The following TMEM120B variants were observed in gnomAD, a reference collection of about 807,000 sequenced individuals.
TMEM120B encodes the protein transmembrane protein 120B.
Under a neutral mutation model 55.5 loss-of-function variants are expected in TMEM120B, and 31 were observed. The observed-to-expected ratio is 0.56, with a 90% CI of 0.42 to 0.75. TMEM120B has a LOEUF of 0.75. Among genes scored for constraint, TMEM120B ranks in the 30% least tolerant of loss-of-function variants. The pLI is 0.00. For missense variants in TMEM120B, 399 were observed against 425.5 expected, an observed-to-expected ratio of 0.94 and a Z score of 0.55; for synonymous variants, 203 against 176.3, an observed-to-expected ratio of 1.15 and a Z score of -1.20.
chr12:121,772,276 G>A (rs1229776626), intron 8 of TMEM120B, among the ~76,000 whole-genome samples: 2 of 151,180 alleles, frequency 1.3e-5, no homozygotes, highest in South Asian at 2.1e-4. Flanking sequence ...CTACAGGTGC[G>A]CACCACCACG....
chr12:121,720,696 CAG>C (rs1894775617), intron 1 of TMEM120B, among the ~76,000 whole-genome samples: 1 of 151,804 alleles, frequency 6.6e-6, no homozygotes. Flanking sequence ...GACTGGGCGA[CAG>C]AGTAAGACTG....
intron 5 of TMEM120B, chr12:121,758,091 C>T (rs77011297): frequency 0.054 from 49,020 of 903,188 alleles, 2,022 homozygotes; most frequent in African/African-American, 0.2. Flanking sequence ...TGCACTCCAG[C>T]CTGACTCTAA....
In TMEM120B at chr12:121,778,324, G is replaced by A. The variant is rs113401351; in HGVS notation, c.*2602G>A. 4.7e-3 allele frequency: 715 copies of A among 152,148 alleles called. 5 individuals are homozygous for A. The highest frequency in any genetic ancestry group is 0.01 in the Middle Eastern group (3 of 298). 9.4% of individuals were successfully genotyped at this position (152,148 alleles called of 1,614,324 possible). ...AAATTAGCCGGACGTGGTGGTGTGC[G>A]CATGTAGTCCCAGCTACTCAGGAGG... On this transcript the variant is annotated 3_prime_UTR_variant, in exon 12 of 12. Coordinates refer to ENST00000449592, the MANE Select transcript of TMEM120B (RefSeq NM_001080825.2).
intron 5 of TMEM120B, chr12:121,758,670 A>C (rs1211058278): frequency 2.1e-6 from 2 of 965,246 alleles, no homozygotes; most frequent in Non-Finnish European, 2.5e-6. Context: ...GTCACCATGG[A>C]GGAGGATGGC....
At chr12:121,762,271 CAAAA>C (rs796129443) in intron 6 of TMEM120B, among the ~76,000 whole-genome samples, 3 of 117,212 alleles carry the variant, frequency 2.6e-5, no homozygotes, top group Non-Finnish European at 3.7e-5. Context: ...GACTCTGTCT[CAAAA>C]AAAAAAAAAA....
Position 121,757,523 on chromosome 12 carries a change from TA to T in TMEM120B, c.462-4125del, listed in dbSNP as rs201374048. ...CGCCCGGCTAATTATTATTATTATT[TA>T]TTTTTTTTTTGAGACAGAGTCTTGC... On this transcript the variant is annotated intron_variant, in intron 5 of 11. Coordinates refer to ENST00000449592, the MANE Select transcript of TMEM120B (RefSeq NM_001080825.2). 2.0e-3 allele frequency among the ~76,000 whole-genome samples: 271 copies of T among 134,560 alleles called. 7 individuals are homozygous for T. The highest frequency in any genetic ancestry group is 3.7e-3 in the African/African-American group (119 of 32,416). The allele number at this position is 134,560 out of a possible 152,430, so 88.3% of individuals were successfully genotyped here.
rs189281835 is a variant in TMEM120B, at chr12:121,738,751, C to T, written c.70-4878C>T. Among the ~76,000 whole-genome samples, 6 of 152,180 alleles carry T rather than the reference C, an allele frequency of 3.9e-5. No homozygotes were observed. The East Asian group carries it at 1.2e-3, about 29-fold the overall frequency. ...AAAGTTAGCATCGTGGACACGGTGT[C>T]CCTACTGGCAGGAGCCACTAATAAG... On this transcript the variant is annotated intron_variant, in intron 1 of 11. Coordinates refer to ENST00000449592, the MANE Select transcript of TMEM120B (RefSeq NM_001080825.2).
intron 4 of TMEM120B, among the ~76,000 whole-genome samples, chr12:121,750,749 C>T (rs541293010): frequency 7.1e-6 from 1 of 141,742 alleles, no homozygotes; most frequent in African/African-American, 2.7e-5. Flanking sequence ...CATACTCACA[C>T]CCCACACTCC....
chr12:121,766,087 C>A (rs1356748551), intron 6 of TMEM120B, among the ~76,000 whole-genome samples: 1 of 152,134 alleles, frequency 6.6e-6, no homozygotes, highest in Non-Finnish European at 1.5e-5. Context: ...CGTCGCTGAA[C>A]CCTACGGGCC....
At chr12:121,745,784 A>G (rs1201350311) in intron 2 of TMEM120B, among the ~76,000 whole-genome samples, 1 of 152,082 alleles carries the variant, frequency 6.6e-6, no homozygotes, top group Admixed American at 6.6e-5. Flanking sequence ...TCCTGGGCTC[A>G]AGCGATCCTC....
intron 1 of TMEM120B, among the ~76,000 whole-genome samples, chr12:121,732,020 C>T (rs1400537550): frequency 1.3e-5 from 2 of 152,072 alleles, no homozygotes; most frequent in East Asian, 1.9e-4. Context: ...GCCTGTAGCC[C>T]CAGCTACTCG....
chr12:121,765,319 G>A (rs746205867), intron 6 of TMEM120B, among the ~76,000 whole-genome samples: 1 of 151,832 alleles, frequency 6.6e-6, no homozygotes, highest in Non-Finnish European at 1.5e-5. Flanking sequence ...TAGTAGAGAT[G>A]GGGTTTCACC....
intron 1 of TMEM120B, among the ~76,000 whole-genome samples, chr12:121,729,587 C>T (rs1279450805): frequency 1.3e-5 from 2 of 150,658 alleles, no homozygotes; most frequent in South Asian, 2.1e-4. Context: ...GGGAGAATAG[C>T]GTCAGCCCAG....
At chr12:121,716,319 A>G (rs1348657970) in intron 1 of TMEM120B, among the ~76,000 whole-genome samples, 4 of 151,688 alleles carry the variant, frequency 2.6e-5, no homozygotes, top group Non-Finnish European at 5.9e-5. Context: ...CAAAAAAAAA[A>G]AAAAAGAGAT....
At chr12:121,746,386 C>T (rs1366903660) in intron 2 of TMEM120B, among the ~76,000 whole-genome samples, 1 of 152,080 alleles carries the variant, frequency 6.6e-6, no homozygotes, top group Non-Finnish European at 1.5e-5. Flanking sequence ...GGGGTTTCTC[C>T]ATATTGGTCA....
At chr12:121,752,339 T>C in intron 5 of TMEM120B, 116 bp downstream of exon 5, 1 of 857,672 alleles carries the variant, frequency 1.2e-6, no homozygotes, top group East Asian at 2.5e-5. Flanking sequence ...TTTGGCATGA[T>C]GAGGTGTAGG....
chr12:121,757,328 AT>A (rs1446689279), intron 5 of TMEM120B, among the ~76,000 whole-genome samples: 1 of 149,078 alleles, frequency 6.7e-6, no homozygotes, highest in Non-Finnish European at 1.5e-5. Flanking sequence ...CACCCGGATA[AT>A]TTTTTGTATT....
chr12:121,719,060 C>G (rs2136968318), intron 1 of TMEM120B, among the ~76,000 whole-genome samples: 1 of 152,240 alleles, frequency 6.6e-6, no homozygotes, highest in East Asian at 1.9e-4. Flanking sequence ...AGGGCTGACT[C>G]TCATTGGCCC....
At chr12:121,760,129 CA>C (rs1006164597) in intron 5 of TMEM120B, among the ~76,000 whole-genome samples, 2,600 of 47,464 alleles carry the variant, frequency 0.055, 60 homozygotes, top group African/African-American at 0.16. Flanking sequence ...AACTACGTCT[CA>C]AAAAAAAAAA....
Sources: gnomAD v4.1 joint callset for allele counts (sites outside exome capture counted in the v4.1 genomes callset) on GRCh38, gnomAD v4.1.1 for gene constraint, MANE v1.5 for transcripts, NCBI Gene and HGNC (gene_info 2026-07-23, HGNC 2026-07-21) for gene names.